The following DENND4C variants were observed in gnomAD, a reference collection of about 807,000 sequenced individuals.
DENND4C encodes DENN domain containing 4C, also known as DENN domain-containing protein 4C.
In DENND4C, 108 loss-of-function variants were observed where a neutral mutation model predicts 203.0. The ratio of observed to expected loss-of-function variants is 0.53; its 90% CI spans 0.46 to 0.62. The LOEUF (loss-of-function observed/expected upper bound fraction) is 0.62, where lower values mean the gene tolerates loss of function less well. Ranked by LOEUF, DENND4C falls within the 20% of genes least tolerant of loss-of-function variation. The probability of loss-of-function intolerance (pLI) is 0.00; values close to 1 mark genes in which losing one functional copy is unlikely to be tolerated. For synonymous variants in DENND4C, 871 were observed against 792.4 expected, an observed-to-expected ratio of 1.10 and a Z score of -1.67; for missense variants, 2,481 against 2,301.2, an observed-to-expected ratio of 1.08 and a Z score of -1.60.
chr9:19,359,443 C>T (rs1292208769), intron 28 of DENND4C, among the ~76,000 whole-genome samples: 1 of 151,840 alleles, frequency 6.6e-6, no homozygotes, highest in Non-Finnish European at 1.5e-5. Context: ...TCTCTTTGGT[C>T]AGCTAGAAGC....
Position 19,372,876 on chromosome 9 carries a change from AAAAAG to A in DENND4C, c.*705_*709del, listed in dbSNP as rs1450547731. ...ACCGTCTCAAAAAAAAAAAAAAAAA[AAAAAG>A]AGAGCAACATATTTGTGTAAGTTTG... On this transcript the variant is annotated 3_prime_UTR_variant, in exon 33 of 33. Coordinates refer to ENST00000434457, the MANE Select transcript of DENND4C (RefSeq NM_001330640.2). The A allele has an allele frequency of 6.6e-6, 1 of 151,976 alleles. No individual in the cohort carries two copies. The highest frequency in any genetic ancestry group is 2.4e-5 in the African/African-American group (1 of 41,206). 9.4% of individuals were successfully genotyped at this position (151,976 alleles called of 1,614,324 possible).
At chr9:19,315,938 ATTG>A (rs1841769579) in intron 10 of DENND4C, among the ~76,000 whole-genome samples, 1 of 151,738 alleles carries the variant, frequency 6.6e-6, no homozygotes, top group Non-Finnish European at 1.5e-5. Context: ...TTTGGTTTTT[ATTG>A]TTTCATGATC....
At chr9:19,271,552 C>T (rs1178878684) in intron 1 of DENND4C, among the ~76,000 whole-genome samples, 4 of 151,900 alleles carry the variant, frequency 2.6e-5, no homozygotes, top group Admixed American at 1.3e-4. Flanking sequence ...CTAGTATAGT[C>T]AAAAAACAGT....
intron 12 of DENND4C, among the ~76,000 whole-genome samples, chr9:19,319,423 T>TATATATATACACACATATATATATAC (rs1563799411): frequency 2.8e-5 from 4 of 144,968 alleles, no homozygotes; most frequent in African/African-American, 7.6e-5. Context: ...TATATATACA[T>TATATATATACACACATATATATATAC]ATATATATAC....
chr9:19,338,994 CTT>C (rs1263272317), intron 20 of DENND4C, among the ~76,000 whole-genome samples: 4 of 152,212 alleles, frequency 2.6e-5, no homozygotes, highest in East Asian at 3.9e-4. Context: ...TCAAAAAAGA[CTT>C]TTAAAATATT....
At chr9:19,231,454 G>A (rs1415369385) in intron 1 of DENND4C, among the ~76,000 whole-genome samples, 1 of 152,128 alleles carries the variant, frequency 6.6e-6, no homozygotes, top group East Asian at 1.9e-4. Context: ...TAACTCTGGA[G>A]TGACTAAACA....
intron 1 of DENND4C, among the ~76,000 whole-genome samples, chr9:19,259,344 G>T (rs920714887): frequency 9.2e-5 from 14 of 152,008 alleles, no homozygotes; most frequent in African/African-American, 3.4e-4. Context: ...ATGAGTAAGT[G>T]AAGTGAAAAC....
chr9:19,284,016 C>T (rs1834706438), intron 2 of DENND4C, among the ~76,000 whole-genome samples: 1 of 152,134 alleles, frequency 6.6e-6, no homozygotes, highest in South Asian at 2.1e-4. Flanking sequence ...TGAGAAATTT[C>T]AAACATGTGA....
At chr9:19,343,467 C>G (rs962101170) in intron 22 of DENND4C, among the ~76,000 whole-genome samples, 1 of 152,182 alleles carries the variant, frequency 6.6e-6, no homozygotes, top group African/African-American at 2.4e-5. Context: ...AGTTGACTGT[C>G]TTGTCTGAAA....
intron 1 of DENND4C, among the ~76,000 whole-genome samples, chr9:19,269,155 CCTTT>C (rs1203931085): frequency 4.0e-5 from 6 of 151,582 alleles, no homozygotes; most frequent in Non-Finnish European, 8.8e-5. Flanking sequence ...GACTGTATTT[CCTTT>C]CTTTCTTTCT....
At chr9:19,277,067 T>C (rs1312494315) in intron 2 of DENND4C, among the ~76,000 whole-genome samples, 1 of 152,094 alleles carries the variant, frequency 6.6e-6, no homozygotes, top group African/African-American at 2.4e-5. Flanking sequence ...CCTTGACTCT[T>C]CTGTAAAAAG....
At chr9:19,245,698 T>C (rs937138741) in intron 1 of DENND4C, among the ~76,000 whole-genome samples, 3 of 151,720 alleles carry the variant, frequency 2.0e-5, no homozygotes, top group Admixed American at 2.0e-4. Flanking sequence ...CTACTAAAAA[T>C]ACAAAAAACT....
At chr9:19,352,371 GTTA>G in intron 25 of DENND4C, 116 bp from the exon 26 acceptor site, 6 of 1,124,098 alleles carry the variant, frequency 5.3e-6, no homozygotes, top group Non-Finnish European at 3.7e-6. Context: ...TAAAAGAACT[GTTA>G]TTAATAATTC....
intron 1 of DENND4C, among the ~76,000 whole-genome samples, chr9:19,246,497 G>A (rs1825303019): frequency 6.6e-6 from 1 of 152,064 alleles, no homozygotes; most frequent in Admixed American, 6.6e-5. Context: ...TCCCACCTTG[G>A]CTTCCCAAAG....
chr9:19,273,937 C>G (rs555942772), intron 1 of DENND4C, among the ~76,000 whole-genome samples: 1 of 152,066 alleles, frequency 6.6e-6, no homozygotes, highest in South Asian at 2.1e-4. Context: ...AGCATTATGT[C>G]CATAAGATTT....
chr9:19,327,383 G>C (rs1309875644), intron 15 of DENND4C, among the ~76,000 whole-genome samples: 1 of 151,980 alleles, frequency 6.6e-6, no homozygotes, highest in African/African-American at 2.4e-5. Flanking sequence ...CTAGTAGTTA[G>C]AATGTATGTT....
chr9:19,337,384 C>T (rs1820717863), intron 20 of DENND4C, among the ~76,000 whole-genome samples: 1 of 152,164 alleles, frequency 6.6e-6, no homozygotes, highest in African/African-American at 2.4e-5. Context: ...ATGTGTGTTA[C>T]ATATCCTTCT....
chr9:19,284,992 A>C (rs1279586057), intron 2 of DENND4C, among the ~76,000 whole-genome samples: 4 of 152,118 alleles, frequency 2.6e-5, no homozygotes, highest in African/African-American at 9.6e-5. Flanking sequence ...AGTATGATTT[A>C]ATTCCTTATG....
intron 10 of DENND4C, among the ~76,000 whole-genome samples, chr9:19,309,418 A>G (rs1325019621): frequency 6.6e-6 from 1 of 150,486 alleles, no homozygotes. Context: ...GCAAAACTCC[A>G]TCTCAAAAAA....
Sources: allele counts gnomAD v4.1 joint callset (sites outside exome capture counted in the v4.1 genomes callset), GRCh38; gene constraint gnomAD v4.1.1; transcripts MANE v1.5; gene names NCBI Gene and HGNC (gene_info 2026-07-23, HGNC 2026-07-21).